Variants in AGK observed in about 807,000 individuals in gnomAD.
AGK encodes the protein acylglycerol kinase, mitochondrial.
A neutral mutation model predicts 66.4 loss-of-function variants in AGK; 52 were observed. The ratio of observed to expected loss-of-function variants is 0.78; its 90% CI spans 0.63 to 0.99. AGK has a LOEUF of 0.99. Among genes scored for constraint, AGK ranks in the 50% least tolerant of loss-of-function variants. The probability of loss-of-function intolerance (pLI) is 0.00; values close to 1 mark genes in which losing one functional copy is unlikely to be tolerated. For synonymous variants in AGK, 182 were observed against 181.1 expected, an observed-to-expected ratio of 1.00 and a Z score of -0.04; for missense variants, 451 against 506.6, an observed-to-expected ratio of 0.89 and a Z score of 1.05.
intron 14 of AGK, chr7:141,650,690 T>G: frequency 4.1e-6 from 4 of 985,322 alleles, no homozygotes; most frequent in Non-Finnish European, 4.8e-6. Context: ...GAAATTTTAC[T>G]CCATAGTCAC....
At chr7:141,641,699 G>T in intron 12 of AGK, 112 bp from the exon 13 acceptor site, 1 of 865,288 alleles carries the variant, frequency 1.2e-6, no homozygotes. Context: ...AATGAAGGCA[G>T]AGTCAGCAGA....
At chr7:141,626,205 C>T (rs1438113638) in intron 9 of AGK, among the ~76,000 whole-genome samples, 1 of 152,092 alleles carries the variant, frequency 6.6e-6, no homozygotes, top group Non-Finnish European at 1.5e-5. Flanking sequence ...GTGTCCTACT[C>T]GCCAATTTGG....
intron 1 of AGK, among the ~76,000 whole-genome samples, chr7:141,552,528 T>G (rs1487729515): frequency 6.6e-6 from 1 of 152,172 alleles, no homozygotes; most frequent in African/African-American, 2.4e-5. Flanking sequence ...GTTCCCAGGA[T>G]TCTGTGTTTT....
intron 1 of AGK, 26 bp downstream of exon 1, chr7:141,551,460 G>C (rs907097505): frequency 2.0e-5 from 3 of 153,098 alleles, no homozygotes; most frequent in African/African-American, 7.2e-5. Flanking sequence ...CCCAGGCGGG[G>C]AGCGCAGTGC....
intron 2 of AGK, among the ~76,000 whole-genome samples, chr7:141,564,607 C>G (rs948359665): frequency 6.6e-6 from 1 of 152,164 alleles, no homozygotes; most frequent in African/African-American, 2.4e-5. Context: ...CACAGCCAAA[C>G]CATATAAACC....
chr7:141,636,389 C>A (rs1011704806), intron 10 of AGK, among the ~76,000 whole-genome samples: 5 of 152,014 alleles, frequency 3.3e-5, no homozygotes, highest in African/African-American at 1.2e-4. Flanking sequence ...TAAACAAATG[C>A]AGATAGAGAA....
intron 12 of AGK, 137 bp downstream of exon 12, chr7:141,641,535 TGTG>T (rs948799184): frequency 4.8e-5 from 50 of 1,043,740 alleles, no homozygotes; most frequent in Non-Finnish European, 6.8e-5. Context: ...CATCCTTCTG[TGTG>T]CCACCAGAGC....
rs182199959 is a variant in AGK at position 141,575,898 on chromosome 7, C to G, written c.102-17248C>G. Reference sequence around the variant, plus strand: ...GCTGGGAGGATTGACTTTATTGAGACACAAGATGCTGCAGCCCTGTTTGTG... The same window carrying G: ...GCTGGGAGGATTGACTTTATTGAGAGACAAGATGCTGCAGCCCTGTTTGTG... On this transcript the variant is annotated intron_variant, in intron 2 of 15. Coordinates refer to ENST00000649286, the MANE Select transcript of AGK (RefSeq NM_018238.4). 2.4e-3 allele frequency among the ~76,000 whole-genome samples: 362 copies of G among 152,134 alleles called. 2 individuals are homozygous for G. The highest frequency in any genetic ancestry group is 8.3e-3 in the African/African-American group (345 of 41,526).
chr7:141,602,911 A>G (rs755667494), intron 5 of AGK, among the ~76,000 whole-genome samples: 1 of 151,802 alleles, frequency 6.6e-6, no homozygotes, highest in Non-Finnish European at 1.5e-5. Context: ...TTCTTGATCT[A>G]TGTGTTTTTG....
At chr7:141,584,270 T>C (rs1489568721) in intron 2 of AGK, among the ~76,000 whole-genome samples, 1 of 152,116 alleles carries the variant, frequency 6.6e-6, no homozygotes, top group Non-Finnish European at 1.5e-5. Flanking sequence ...GGGGAGCTTT[T>C]GAGCCAAGAT....
At chr7:141,604,061 G>C (rs966720571) in intron 5 of AGK, among the ~76,000 whole-genome samples, 17 of 151,652 alleles carry the variant, frequency 1.1e-4, no homozygotes, top group Non-Finnish European at 4.4e-5. Flanking sequence ...TTATATGCAA[G>C]TACTAATATG....
intron 8 of AGK, among the ~76,000 whole-genome samples, chr7:141,621,036 C>T (rs1343608164): frequency 1.3e-5 from 2 of 152,214 alleles, no homozygotes; most frequent in African/African-American, 4.8e-5. Flanking sequence ...AACTGAGAAA[C>T]ATTTGTTCAA....
At chr7:141,592,012 T>TA (rs1278603707) in intron 2 of AGK, among the ~76,000 whole-genome samples, 2 of 152,234 alleles carry the variant, frequency 1.3e-5, no homozygotes, top group African/African-American at 4.8e-5. Flanking sequence ...GACAGTGATA[T>TA]AAAAAACAAG....
Position 141,596,548 on chromosome 7 carries a change from CTT to C in AGK, c.142-11_142-10del. The C allele has an allele frequency of 1.9e-6, 3 of 1,612,766 alleles. No individual in the cohort carries two copies. Among genetic ancestry groups the C allele is most frequent in the Non-Finnish European group, 1.7e-6 (2 of 1,179,076 alleles). Reference sequence around the variant, plus strand: ...ATGGACTTTTACTGAAAACTTTGCTCTTTTCTTTTTTAGGTGTTTGGCAATCA... The same window carrying C: ...ATGGACTTTTACTGAAAACTTTGCTCTTCTTTTTTAGGTGTTTGGCAATCA... On this transcript the variant is annotated splice_polypyrimidine_tract_variant and intron_variant, in intron 3 of 15. Transcript: ENST00000649286.
At chr7:141,589,706 A>T (rs1011843511) in intron 2 of AGK, among the ~76,000 whole-genome samples, 10 of 152,106 alleles carry the variant, frequency 6.6e-5, no homozygotes, top group African/African-American at 2.2e-4. Context: ...GATTATAGGC[A>T]TGTGCCACCA....
chr7:141,652,956 T>C lies in AGK; in HGVS notation c.*32T>C, dbSNP rs1190784995. On this transcript the variant is annotated 3_prime_UTR_variant, in exon 16 of 16. Transcript: ENST00000649286. ...GAAGACAAGCACTCTGAGACCACAC[T>C]TTAGGCCACCGGTGGGACCAAAAGG... is the stretch of plus-strand genomic sequence containing the variant. 6.2e-7 allele frequency: 1 copy of C among 1,612,116 alleles called. No homozygotes were observed. The highest frequency in any genetic ancestry group is 1.3e-5 in the African/African-American group (1 of 74,838).
chr7:141,628,457 C>T (rs1796987127), intron 9 of AGK, among the ~76,000 whole-genome samples: 1 of 152,140 alleles, frequency 6.6e-6, no homozygotes, highest in Admixed American at 6.5e-5. Context: ...TAGACAAAGC[C>T]TTGTACTATA....
chr7:141,603,188 A>AT (rs1176864914), intron 5 of AGK, among the ~76,000 whole-genome samples: 1 of 151,906 alleles, frequency 6.6e-6, no homozygotes, highest in African/African-American at 2.4e-5. Context: ...GTCCTTACTG[A>AT]TTTTTTCTTC....
At chr7:141,560,629 C>T (rs761576302) in intron 2 of AGK, among the ~76,000 whole-genome samples, 2 of 151,958 alleles carry the variant, frequency 1.3e-5, no homozygotes, top group African/African-American at 4.8e-5. Context: ...CACCTTTCCC[C>T]CTGAGTCCCC....
Sources: gnomAD v4.1 joint callset for allele counts (sites outside exome capture counted in the v4.1 genomes callset) on GRCh38, gnomAD v4.1.1 for gene constraint, MANE v1.5 for transcripts, NCBI Gene and HGNC (gene_info 2026-07-23, HGNC 2026-07-21) for gene names.